The following USP10 variants were observed in gnomAD, a reference collection of about 807,000 sequenced individuals.
The protein encoded by USP10 is ubiquitin carboxyl-terminal hydrolase 10.
Under a neutral mutation model 84.5 loss-of-function variants are expected in USP10, and 22 were observed. That is an observed-to-expected ratio of 0.26 (90% CI 0.19 to 0.37). The LOEUF (loss-of-function observed/expected upper bound fraction) is 0.37. Ranked by LOEUF, USP10 falls within the 10% of genes least tolerant of loss-of-function variation. The probability of loss-of-function intolerance (pLI) is 1.00; values close to 1 mark genes in which losing one functional copy is unlikely to be tolerated. For missense variants in USP10, 1,019 were observed against 998.9 expected (o/e 1.02, Z -0.27); for synonymous variants, 454 against 387.6 (o/e 1.17, Z -2.01).
At chr16:84,733,033 C>T (rs1172709129) in intron 1 of USP10, 1 of 449,514 alleles carries the variant, frequency 2.2e-6, no homozygotes. Context: ...ATTTGAACCA[C>T]GTTTTCTGCT....
Position 84,745,505 on chromosome 16 carries a change from T to A in USP10, c.1024T>A (p.Trp342Arg). ...GTLPVSQPKSWASLFHDSKPS... is the reference protein window; with the variant it reads ...GTLPVSQPKSRASLFHDSKPS... ...CCTTCCTGTCAGCCAGCCCAAGTCC[T>A]GGGCCAGCCTCTTTCATGATTCTAA... The change falls in exon 4 of 14, where the codon TGG (tryptophan) becomes AGG (arginine). Residue 342 changes from tryptophan (W) to arginine (R), a missense_variant. Transcript: ENST00000219473. 1 of 1,613,504 alleles carries A rather than the reference T, an allele frequency of 6.2e-7. No homozygotes were observed. Among genetic ancestry groups the A allele is most frequent in the Non-Finnish European group, 8.5e-7 (1 of 1,179,642 alleles).
In USP10 at chr16:84,776,446, C is replaced by T. The variant is rs147926276; in HGVS notation, c.2209+1221C>T. 6.6e-5 allele frequency among the ~76,000 whole-genome samples: 10 copies of T among 152,348 alleles called. No individual in the cohort carries two copies. The South Asian group carries it at 2.1e-3, about 32-fold the overall frequency. On this transcript the variant is annotated intron_variant, in intron 13 of 13. Coordinates refer to ENST00000219473, the MANE Select transcript of USP10 (RefSeq NM_005153.3). ...TTTCTCCCCCCGATCACAATTCCTC[C>T]TCAACTTGCTGGGCCTCAGATGGGA...
chr16:84,727,862 A>G (rs1247766975), intron 1 of USP10, among the ~76,000 whole-genome samples: 3 of 152,230 alleles, frequency 2.0e-5, no homozygotes, highest in African/African-American at 4.8e-5. Flanking sequence ...ACAAATTTAC[A>G]TTGATGCAGT....
In USP10 at chr16:84,718,572, A is replaced by G. The variant is rs1474098320; in HGVS notation, c.22-14863A>G. The stretch of plus-strand genomic sequence containing the variant: ...GGAGTTCAAGACCATCCTGGCCAAC[A>G]TGGTAAAACCCTGTCCCTACTGAAA... On this transcript the variant is annotated intron_variant, in intron 1 of 13. Transcript: ENST00000219473. 5.3e-5 allele frequency among the ~76,000 whole-genome samples: 8 copies of G among 152,196 alleles called. No homozygotes were observed. The South Asian group carries it at 6.2e-4, about 12-fold the overall frequency.
At chr16:84,777,088 AG>A (rs771428057) in intron 13 of USP10, among the ~76,000 whole-genome samples, 22 of 152,342 alleles carry the variant, frequency 1.4e-4, no homozygotes, top group Non-Finnish European at 2.8e-4. Context: ...CTGTAGAGTG[AG>A]CAAAGGAACA....
At chr16:84,749,052 C>T (rs1355358696) in intron 4 of USP10, among the ~76,000 whole-genome samples, 2 of 152,068 alleles carry the variant, frequency 1.3e-5, no homozygotes, top group Admixed American at 1.3e-4. Context: ...ATAGACAGAA[C>T]GTAGTTGTTG....
chr16:84,770,875 G>A (rs1326041698), intron 11 of USP10, among the ~76,000 whole-genome samples: 1 of 151,608 alleles, frequency 6.6e-6, no homozygotes, highest in Non-Finnish European at 1.5e-5. Flanking sequence ...AGACCATCCT[G>A]GCCAACATGT....
At chr16:84,768,993 G>A (rs1221960756) in intron 11 of USP10, among the ~76,000 whole-genome samples, 1 of 152,140 alleles carries the variant, frequency 6.6e-6, no homozygotes, top group Non-Finnish European at 1.5e-5. Context: ...ATTAGTTCCT[G>A]GCTGTCCAGA....
chr16:84,734,543 T>TG (rs1371879995), intron 2 of USP10, among the ~76,000 whole-genome samples: 2 of 152,250 alleles, frequency 1.3e-5, no homozygotes, highest in Non-Finnish European at 2.9e-5. Context: ...GTTCCTAGCA[T>TG]GAGGGCTTTA....
chr16:84,776,923 G>T (rs1001505425), intron 13 of USP10, among the ~76,000 whole-genome samples: 1 of 152,148 alleles, frequency 6.6e-6, no homozygotes, highest in African/African-American at 2.4e-5. Context: ...AGTGATTCTT[G>T]TGCCTCAGCC....
chr16:84,706,832 G>T (rs546287619), intron 1 of USP10, among the ~76,000 whole-genome samples: 2 of 152,010 alleles, frequency 1.3e-5, no homozygotes, highest in African/African-American at 4.8e-5. Flanking sequence ...GAGCCACCGC[G>T]CCGGGCCAAG....
intron 10 of USP10, among the ~76,000 whole-genome samples, chr16:84,766,998 A>G (rs1913938255): frequency 6.6e-6 from 1 of 152,090 alleles, no homozygotes; most frequent in East Asian, 1.9e-4. Flanking sequence ...CTGAATCAAG[A>G]GGGCTTCTTG....
At chr16:84,757,398 T>G (rs144991307) in intron 4 of USP10, among the ~76,000 whole-genome samples, 2,270 of 86,800 alleles carry the variant, frequency 0.026, 22 homozygotes, top group Non-Finnish European at 0.042. Flanking sequence ...ATGAGAGGGG[T>G]GGGGGTGTGT....
chr16:84,758,573 G>A, intron 4 of USP10, 143 bp from the exon 5 acceptor site: 1 of 640,562 alleles, frequency 1.6e-6, no homozygotes, highest in South Asian at 1.8e-5. Context: ...ACTGAATGAA[G>A]CCTTAACAGT....
intron 1 of USP10, chr16:84,733,154 A>C (rs770184850): frequency 6.2e-5 from 32 of 514,366 alleles, no homozygotes; most frequent in Non-Finnish European, 1.0e-4. Flanking sequence ...AATCTCCTGC[A>C]AGCAGGACTC....
At position 84,745,060 on chromosome 16, in the gene USP10, T is replaced by C. The variant is rs779662350; in HGVS notation, c.579T>C (p.Asp193=). 7 of 1,613,712 alleles carry C rather than the reference T, an allele frequency of 4.3e-6. No individual in the cohort carries two copies. Among genetic ancestry groups the C allele is most frequent in the East Asian group, 4.5e-5 (2 of 44,888 alleles). ...SAVPNSVSAE[D]AEFMGDMPPS... ...TCCCGAACAGTGTCAGTGCAGAGGA[T>C]GCAGAATTTATGGGTGACATGCCCC... Residue 193 remains aspartate (D), a synonymous_variant, in exon 4 of 14, where the codon GAT becomes GAC. Transcript: ENST00000219473.
At chr16:84,725,562 G>A (rs758643121) in intron 1 of USP10, among the ~76,000 whole-genome samples, 3 of 151,912 alleles carry the variant, frequency 2.0e-5, no homozygotes, top group Non-Finnish European at 1.5e-5. Context: ...CACCATGCCC[G>A]GCTAATTTTT....
chr16:84,711,998 G>T (rs1226436532), intron 1 of USP10, among the ~76,000 whole-genome samples: 1 of 152,146 alleles, frequency 6.6e-6, no homozygotes, highest in African/African-American at 2.4e-5. Flanking sequence ...GGGGTTACAG[G>T]CATGAGCCAC....
chr16:84,751,218 G>A (rs1911892846), intron 4 of USP10, among the ~76,000 whole-genome samples: 2 of 152,220 alleles, frequency 1.3e-5, no homozygotes, highest in Admixed American at 6.5e-5. Context: ...ATATGGCCCA[G>A]GTGTGTAGTT....
Sources: gnomAD v4.1 joint callset for allele counts (sites outside exome capture counted in the v4.1 genomes callset) on GRCh38, gnomAD v4.1.1 for gene constraint, MANE v1.5 for transcripts, NCBI Gene and HGNC (gene_info 2026-07-23, HGNC 2026-07-21) for gene names.